GALNT13: variants seen among roughly 807,000 people sequenced by gnomAD.
GALNT13 encodes polypeptide N-acetylgalactosaminyltransferase 13, also known as UDP-GalNAc:polypeptide N-acetylgalactosaminyltransferase 13.
GALNT13 carries 28 observed loss-of-function variants against 64.2 expected under a neutral mutation model. That is an observed-to-expected ratio of 0.44 (90% confidence interval 0.32 to 0.60). The LOEUF is 0.60. Ranked by LOEUF, GALNT13 falls within the 20% of genes least tolerant of loss-of-function variation. The pLI, the probability that GALNT13 is intolerant of heterozygous loss-of-function variation, is 0.05. For missense variants in GALNT13, 577 were observed against 669.8 expected (o/e 0.86, Z 1.53); for synonymous variants, 214 against 224.6 (o/e 0.95, Z 0.42).
In GALNT13 at chr2:154,291,821, C is replaced by T. The variant is rs559263674; in HGVS notation, c.976-9588C>T. On this transcript the variant is annotated intron_variant, in intron 8 of 12. Coordinates refer to ENST00000392825, the MANE Select transcript of GALNT13 (RefSeq NM_052917.4). ...GCTGAGGCCGAGGCCGAGGAGGTGC[C>T]GAGAGCAAGCGAGGACTGCTAGCAC... Among the ~76,000 whole-genome samples the T allele has an allele frequency of 2.0e-5, 3 of 152,358 alleles. No individual in the cohort carries two copies. The East Asian group carries it at 5.8e-4, about 29-fold the overall frequency.
intron 1 of GALNT13, among the ~76,000 whole-genome samples, chr2:153,897,812 ATAAT>A (rs963424882): frequency 1.3e-5 from 2 of 152,080 alleles, no homozygotes; most frequent in African/African-American, 4.8e-5. Flanking sequence ...ATCCATTACA[ATAAT>A]TATTTATTTC....
chr2:153,478,185 C>T, the GALNT13 span: 7 of 1,470,994 alleles, frequency 4.8e-6, no homozygotes, highest in South Asian at 1.3e-5. Context: ...CACAGCCGGG[C>T]TAGCAAAGTG....
the GALNT13 span, among the ~76,000 whole-genome samples, chr2:153,604,530 CT>C: frequency 6.6e-6 from 1 of 151,996 alleles, no homozygotes; most frequent in Admixed American, 6.6e-5. Context: ...ACAAAACTTG[CT>C]TCCTGAGCAA....
intron 3 of GALNT13, among the ~76,000 whole-genome samples, chr2:154,022,939 T>G (rs1697636966): frequency 1.3e-5 from 2 of 152,212 alleles, no homozygotes; most frequent in South Asian, 4.1e-4. Context: ...ATTTCTGCCT[T>G]CATTTCATTA....
chr2:153,383,257 C>G, the GALNT13 span, among the ~76,000 whole-genome samples: 1 of 152,020 alleles, frequency 6.6e-6, no homozygotes, highest in Non-Finnish European at 1.5e-5. Context: ...CTCCTAAGTG[C>G]TTAGTAACCC....
chr2:153,827,275 C>G, the GALNT13 span, among the ~76,000 whole-genome samples: 17 of 152,056 alleles, frequency 1.1e-4, no homozygotes, highest in Non-Finnish European at 2.5e-4. Context: ...CAATTACACC[C>G]CACTGGGTTC....
chr2:154,107,011 C>T (rs1286372732), intron 3 of GALNT13, among the ~76,000 whole-genome samples: 1 of 148,398 alleles, frequency 6.7e-6, no homozygotes, highest in Non-Finnish European at 1.5e-5. Flanking sequence ...CCCAGGACAG[C>T]TGGTTTTTTT....
At chr2:153,586,743 A>G in the GALNT13 span, among the ~76,000 whole-genome samples, 1 of 152,212 alleles carries the variant, frequency 6.6e-6, no homozygotes, top group Non-Finnish European at 1.5e-5. Flanking sequence ...TTTTCTCATC[A>G]GTGCATGAAA....
chr2:154,114,243 C>T (rs1014881387), intron 3 of GALNT13, among the ~76,000 whole-genome samples: 1 of 152,108 alleles, frequency 6.6e-6, no homozygotes, highest in Non-Finnish European at 1.5e-5. Flanking sequence ...CCTCACTCTA[C>T]CAGTTAGGGG....
chr2:154,300,157 A>G (rs1693355553), intron 8 of GALNT13, among the ~76,000 whole-genome samples: 1 of 139,978 alleles, frequency 7.1e-6, no homozygotes, highest in Non-Finnish European at 1.5e-5. Context: ...CTGGAGTGCA[A>G]TGGCGCGTGA....
the GALNT13 span, among the ~76,000 whole-genome samples, chr2:153,259,008 C>G: frequency 2.6e-5 from 4 of 152,178 alleles, no homozygotes; most frequent in South Asian, 6.2e-4. Flanking sequence ...TTTGTCGGTT[C>G]TCTTTCTGGA....
At chr2:154,344,297 T>G (rs1559102447) in intron 9 of GALNT13, among the ~76,000 whole-genome samples, 1 of 152,046 alleles carries the variant, frequency 6.6e-6, no homozygotes, top group East Asian at 1.9e-4. Flanking sequence ...TGACAAAGAC[T>G]TCCAGCAAAC....
chr2:153,497,136 G>C, the GALNT13 span, among the ~76,000 whole-genome samples: 980 of 152,154 alleles, frequency 6.4e-3, 10 homozygotes, highest in African/African-American at 0.023. Context: ...AAACATGCCT[G>C]TTGGCTTTTT....
chr2:153,723,669 CAGAG>C, the GALNT13 span, among the ~76,000 whole-genome samples: 5 of 152,040 alleles, frequency 3.3e-5, no homozygotes, highest in African/African-American at 9.7e-5. Context: ...AACAAACAAA[CAGAG>C]AGCCAAATCA....
At position 154,385,529 on chromosome 2, in the gene GALNT13, T is replaced by G. The variant is rs192167650; in HGVS notation, c.1157-10462T>G. 7.3e-4 allele frequency among the ~76,000 whole-genome samples: 111 copies of G among 152,164 alleles called. 1 individual carries two copies. The highest frequency in any genetic ancestry group is 2.5e-3 in the African/African-American group (102 of 41,550). Reference sequence around the variant, plus strand: ...ACATTTGACCCTACTTCTGCTATTTTCTAAGTATACTTAATAAAGTTATTT... The same window carrying G: ...ACATTTGACCCTACTTCTGCTATTTGCTAAGTATACTTAATAAAGTTATTT... On this transcript the variant is annotated intron_variant, in intron 9 of 12. Transcript: ENST00000392825.
At chr2:154,162,781 C>G (rs1457475689) in intron 4 of GALNT13, among the ~76,000 whole-genome samples, 1 of 151,960 alleles carries the variant, frequency 6.6e-6, no homozygotes, top group Non-Finnish European at 1.5e-5. Flanking sequence ...TCAGTTTTAC[C>G]ATTATAAAAC....
At chr2:154,092,581 G>A (rs140695335) in intron 3 of GALNT13, among the ~76,000 whole-genome samples, 1 of 152,116 alleles carries the variant, frequency 6.6e-6, no homozygotes, top group Non-Finnish European at 1.5e-5. Flanking sequence ...CACTGGCATA[G>A]CCAAATACTT....
chr2:154,172,938 C>T (rs549378099), intron 4 of GALNT13, among the ~76,000 whole-genome samples: 1 of 152,054 alleles, frequency 6.6e-6, no homozygotes, highest in Admixed American at 6.6e-5. Flanking sequence ...TATCAAAATA[C>T]CAATGGCATT....
chr2:153,960,741 G>T lies in GALNT13; in HGVS notation c.142+16102G>T, dbSNP rs1232334305. ...TTTAAGCTGGTCTTCAGTCTGGTCC[G>T]GTGTCCGAGGCCTGCCTCTGTAGTT... On this transcript the variant is annotated intron_variant, in intron 3 of 12. Coordinates refer to ENST00000392825, the MANE Select transcript of GALNT13 (RefSeq NM_052917.4). 2.0e-5 allele frequency among the ~76,000 whole-genome samples: 3 copies of T among 152,192 alleles called. No homozygotes were observed. In the South Asian group the frequency reaches 6.2e-4, roughly 32 times the overall value.
Sources: gnomAD v4.1 joint callset for allele counts (sites outside exome capture counted in the v4.1 genomes callset) on GRCh38, gnomAD v4.1.1 for gene constraint, MANE v1.5 for transcripts, NCBI Gene and HGNC (gene_info 2026-07-23, HGNC 2026-07-21) for gene names.